Variants in RAD51D observed in about 807,000 individuals in gnomAD.
The protein encoded by RAD51D is RAD51 paralog D.
RAD51D carries 38 observed loss-of-function variants against 44.1 expected under a neutral mutation model. That is an observed-to-expected ratio of 0.86 (90% CI 0.67 to 1.13). The LOEUF (loss-of-function observed/expected upper bound fraction) is 1.13. Ranked by LOEUF, RAD51D falls within the 50% of genes most tolerant of loss-of-function variation. The probability of loss-of-function intolerance (pLI) is 0.00; values close to 1 mark genes in which losing one functional copy is unlikely to be tolerated. For missense variants in RAD51D, 390 were observed against 414.0 expected, an observed-to-expected ratio of 0.94 and a Z score of 0.50; for synonymous variants, 141 against 166.6, an observed-to-expected ratio of 0.85 and a Z score of 1.18.
Position 35,099,813 on chromosome 17 carries a change from T to C in RAD51D, c.*1140A>G, listed in dbSNP as rs1446398420. Reference sequence around the variant, plus strand: ...ATCATTTCTGTACTTTTCCTTTTATTTTCCATTCCCTGGTGTCTTCGTCCC... The same window carrying C: ...ATCATTTCTGTACTTTTCCTTTTATCTTCCATTCCCTGGTGTCTTCGTCCC... On this transcript the variant is annotated 3_prime_UTR_variant, in exon 10 of 10. Coordinates refer to ENST00000345365, the MANE Select transcript of RAD51D (RefSeq NM_002878.4). 4 of 486,268 alleles carry C rather than the reference T, an allele frequency of 8.2e-6. No individual in the cohort carries two copies. In the Admixed American group the frequency reaches 9.5e-5, roughly 12 times the overall value. The allele number at this position is 486,268 out of a possible 1,614,324, so 30.1% of individuals were successfully genotyped here. A position where few individuals can be genotyped will look rare whatever the true frequency, so the allele number is the denominator to read the frequency against.
chr17:35,106,510 CT>C, intron 5 of RAD51D, 29 bp from the exon 6 acceptor site: 2 of 1,567,710 alleles, frequency 1.3e-6, no homozygotes, highest in Non-Finnish European at 1.7e-6. Context: ...AAAGCAAGGA[CT>C]TTGGATAAGA....
intron 3 of RAD51D, among the ~76,000 whole-genome samples, chr17:35,107,737 CTTTTTTT>C (rs34531142): frequency 1.1e-4 from 10 of 94,028 alleles, no homozygotes; most frequent in South Asian, 8.0e-4. Context: ...TGTGGGTTTC[CTTTTTTT>C]TTTTTTTTTT....
At chr17:35,113,585 C>A in intron 3 of RAD51D, 1 of 446,968 alleles carries the variant, frequency 2.2e-6, no homozygotes, top group East Asian at 7.5e-5. Context: ...CATTTTAATT[C>A]CAGGGACTCC....
rs773485482 is a variant in RAD51D, at chr17:35,103,312, A to T, written c.680T>A (p.Met227Lys). 1 of 1,612,296 alleles carries T rather than the reference A, an allele frequency of 6.2e-7. No homozygotes were observed. The highest frequency in any genetic ancestry group is 1.7e-5 in the Admixed American group (1 of 59,692). Reference protein sequence around the residue: ...GGQQREGLALMMQLARELKTL... With the variant: ...GGQQREGLALKMQLARELKTL... ...CTTCAGCTCTCGGGCCAGCTGCATC[A>T]TCAAGGCCAAGCCTGCAGGAGGAGG... The change falls in exon 8 of 10, where the codon ATG (methionine) becomes AAG (lysine). Residue 227 changes from methionine (M) to lysine (K), a missense_variant. Physicochemically the swap from Met to Lys is moderately conservative, Grantham distance 95. Transcript: ENST00000345365. This position sits in a 1 kb window ranked among gnomAD's most constrained non-coding sequence, Gnocchi z 4.1.
intron 3 of RAD51D, 105 bp from the exon 4 acceptor site, chr17:35,107,552 C>G: frequency 1.1e-6 from 1 of 927,056 alleles, no homozygotes; most frequent in East Asian, 2.5e-5. Context: ...CTGGTTCTGT[C>G]TTTGAACATC....
intron 3 of RAD51D, among the ~76,000 whole-genome samples, chr17:35,111,301 C>T (rs925058935): frequency 6.6e-5 from 10 of 150,972 alleles, no homozygotes; most frequent in African/African-American, 2.4e-4. Flanking sequence ...TTGCGGTGAG[C>T]CGAGATCACG....
At position 35,111,892 on chromosome 17, in the gene RAD51D, T is replaced by C. The variant is rs28743173; in HGVS notation, c.264-4445A>G. On this transcript the variant is annotated intron_variant, in intron 3 of 9. Coordinates refer to ENST00000345365, the MANE Select transcript of RAD51D (RefSeq NM_002878.4). The stretch of plus-strand genomic sequence containing the variant: ...TTGGGGACAATTGAAATCTTCATTA[T>C]GTTCAGTCTCCCAATCCATGAACAA... 4.0e-3 allele frequency among the ~76,000 whole-genome samples: 604 copies of C among 152,372 alleles called. 7 individuals are homozygous for C. The highest frequency in any genetic ancestry group is 0.014 in the African/African-American group (575 of 41,594).
Position 35,119,735 on chromosome 17 carries a change from G to A in RAD51D, c.-122C>T, listed in dbSNP as rs1320417582. The A allele has an allele frequency of 1.1e-6, 1 of 940,344 alleles. No individual in the cohort carries two copies. Among genetic ancestry groups the A allele is most frequent in the Non-Finnish European group, 1.7e-6 (1 of 596,412 alleles). 58.3% of individuals were successfully genotyped at this position (940,344 alleles called of 1,614,324 possible). ...AGAGGACACAGGCGCGCTGGCTGCC[G>A]GAGGAGAAAGGAGAGAGGAGGAGGC... is the stretch of plus-strand genomic sequence containing the variant. On this transcript the variant is annotated 5_prime_UTR_variant, in exon 1 of 10. Coordinates refer to ENST00000345365, the MANE Select transcript of RAD51D (RefSeq NM_002878.4).
In RAD51D at chr17:35,100,671, C is replaced by T. The variant is rs753066633; in HGVS notation, c.*282G>A. ...ATGCCTCATCAGAGATGCTCCCAGC[C>T]AGGGTGAACTTGGTTTCCACCAGAA... On this transcript the variant is annotated 3_prime_UTR_variant, in exon 10 of 10. Transcript: ENST00000345365. 4.9e-5 allele frequency: 29 copies of T among 585,860 alleles called. No individual in the cohort carries two copies. Among genetic ancestry groups the T allele is most frequent in the Non-Finnish European group, 8.8e-5 (28 of 316,572 alleles). 36.3% of individuals were successfully genotyped at this position (585,860 alleles called of 1,614,324 possible).
At chr17:35,119,218 C>A (rs1161903774) in intron 1 of RAD51D, 46 bp from the exon 2 acceptor site, 1 of 1,546,642 alleles carries the variant, frequency 6.5e-7, no homozygotes, top group East Asian at 2.2e-5. Flanking sequence ...GGACTGGGGC[C>A]TCCCACACTT....
Position 35,119,109 on chromosome 17 carries a change from A to AC in RAD51D, c.144+1dup, listed in dbSNP as rs2142477116. On this transcript the variant is annotated splice_donor_variant, in intron 2 of 9. Coordinates refer to ENST00000345365, the MANE Select transcript of RAD51D (RefSeq NM_002878.4). LOFTEE classifies it high-confidence loss of function. ...TTTGGAATGTGGAGATCAGGAGCTC[A>AC]CCTTGTAAGACAAGCCACATTTCTG... The AC allele has an allele frequency of 6.2e-7, 1 of 1,612,600 alleles. No homozygotes were observed. The highest frequency in any genetic ancestry group is 2.2e-5 in the East Asian group (1 of 44,868).
At chr17:35,106,052 T>C (rs2091598838) in intron 6 of RAD51D, 3 of 477,958 alleles carry the variant, frequency 6.3e-6, no homozygotes, top group Non-Finnish European at 8.3e-6. Context: ...TCATGTGACA[T>C]AATTAAATGT....
chr17:35,116,708 A>C, intron 3 of RAD51D: 1 of 649,952 alleles, frequency 1.5e-6, no homozygotes, highest in Non-Finnish European at 2.8e-6. Flanking sequence ...GTTAGCCAGG[A>C]CAGTCTCGAT....
intron 6 of RAD51D, among the ~76,000 whole-genome samples, chr17:35,104,478 C>T (rs888729444): frequency 8.5e-5 from 13 of 152,346 alleles, no homozygotes; most frequent in African/African-American, 2.6e-4. Flanking sequence ...TCGGTTCAAA[C>T]GATTCTCATG....
At chr17:35,107,194 G>A (rs1243715687) in intron 4 of RAD51D, 72 bp from the exon 5 acceptor site, 2 of 1,582,776 alleles carry the variant, frequency 1.3e-6, no homozygotes, top group African/African-American at 2.7e-5. Context: ...ACCAAACCTT[G>A]CCCAGATTCC....
intron 3 of RAD51D, among the ~76,000 whole-genome samples, chr17:35,117,198 C>T (rs930061271): frequency 7.2e-5 from 11 of 152,324 alleles, no homozygotes; most frequent in Non-Finnish European, 1.2e-4. Context: ...TTGCCTCATT[C>T]GTGTATGTAT....
At chr17:35,102,083 CTG>C (rs1238028614) in intron 8 of RAD51D, among the ~76,000 whole-genome samples, 1 of 152,012 alleles carries the variant, frequency 6.6e-6, no homozygotes, top group Admixed American at 6.6e-5. Context: ...ATAAAAGAAA[CTG>C]GAAAAAATAT....
At chr17:35,113,423 C>T in intron 3 of RAD51D, 1 of 237,214 alleles carries the variant, frequency 4.2e-6, no homozygotes, top group South Asian at 3.5e-5. Context: ...CACCCACCAC[C>T]ACGCCTGGCT....
intron 4 of RAD51D, 116 bp downstream of exon 4, chr17:35,107,250 T>G: frequency 6.8e-7 from 1 of 1,461,490 alleles, no homozygotes; most frequent in Admixed American, 1.7e-5. Flanking sequence ...TTATTACCCA[T>G]CTTCTCTCTG....
Sources: gnomAD v4.1 joint callset for allele counts (sites outside exome capture counted in the v4.1 genomes callset) on GRCh38, gnomAD v4.1.1 for gene constraint, Gnocchi (gnomAD v3.1) non-coding constraint, MANE v1.5 for transcripts, NCBI Gene and HGNC (gene_info 2026-07-23, HGNC 2026-07-21) for gene names.